Variants in TRIM26 observed in about 807,000 individuals in gnomAD.
The protein encoded by TRIM26 is tripartite motif containing 26, also known as tripartite motif-containing protein 26.
In TRIM26, 16 loss-of-function variants were observed where a neutral mutation model predicts 45.5. The observed-to-expected ratio is 0.35, with a 90% CI of 0.24 to 0.53. The LOEUF (loss-of-function observed/expected upper bound fraction) is 0.53. Ranked by LOEUF, TRIM26 falls within the 20% of genes least tolerant of loss-of-function variation. TRIM26 has a pLI of 0.92. For synonymous variants in TRIM26, 273 were observed against 290.4 expected (o/e 0.94, Z 0.61); for missense variants, 442 against 691.1 (o/e 0.64, Z 4.04).
At position 30,185,503 on chromosome 6, in the gene TRIM26, G is replaced by T; in HGVS notation, c.*373C>A. On this transcript the variant is annotated 3_prime_UTR_variant, in exon 10 of 10. Transcript: ENST00000454678. This position sits in a 1 kb window ranked among gnomAD's most constrained non-coding sequence, Gnocchi z 5.7. ...TAAGGACAGCAAAATGATCTTAGGC[G>T]TAATTGACTGGTTTTTCTGAGGTCT... is the stretch of plus-strand genomic sequence containing the variant. 3.6e-6 allele frequency: 1 copy of T among 277,306 alleles called. No homozygotes were observed. Among genetic ancestry groups the T allele is most frequent in the Non-Finnish European group, 6.7e-6 (1 of 148,968 alleles). The allele number at this position is 277,306 out of a possible 1,614,324, so 17.2% of individuals were successfully genotyped here. A position where few individuals can be genotyped will look rare whatever the true frequency, so the allele number is the denominator to read the frequency against.
At chr6:30,204,352 AG>A (rs2127526252) in intron 2 of TRIM26, among the ~76,000 whole-genome samples, 1 of 152,322 alleles carries the variant, frequency 6.6e-6, no homozygotes, top group African/African-American at 2.4e-5. Context: ...TCTACATGGA[AG>A]GGCTTTGTAA....
chr6:30,203,945 G>A (rs978469926), intron 2 of TRIM26, among the ~76,000 whole-genome samples: 1 of 152,154 alleles, frequency 6.6e-6, no homozygotes, highest in African/African-American at 2.4e-5. Context: ...GAGGTCTGTA[G>A]TAACCATCAA....
At position 30,186,809 on chromosome 6, in the gene TRIM26, T is replaced by C; in HGVS notation, c.938-251A>G. ...GAAATTTAACTTGACTGTTTTCGCTTACGCTCTGATTCCAAACAAAACTTT... is the reference window on the plus strand; with the variant it reads ...GAAATTTAACTTGACTGTTTTCGCTCACGCTCTGATTCCAAACAAAACTTT... On this transcript the variant is annotated intron_variant, in intron 9 of 9. Transcript: ENST00000454678. The surrounding 1 kb of genome is among the most constrained non-coding windows in gnomAD (Gnocchi z 7.4). 1 of 1,096,290 alleles carries C rather than the reference T, an allele frequency of 9.1e-7. No individual in the cohort carries two copies. Among genetic ancestry groups the C allele is most frequent in the Non-Finnish European group, 1.4e-6 (1 of 727,454 alleles). 67.9% of individuals were successfully genotyped at this position (1,096,290 alleles called of 1,614,324 possible).
Position 30,189,426 on chromosome 6 carries a change from T to A in TRIM26, c.896A>T (p.Glu299Val). 2 of 1,612,964 alleles carry A rather than the reference T, an allele frequency of 1.2e-6. No homozygotes were observed. Among genetic ancestry groups the A allele is most frequent in the Non-Finnish European group, 1.7e-6 (2 of 1,179,980 alleles). ...CGCTCCCCAACCCTTACCCTGGAAT[T>A]CCCTCAGGCCTCGTTGCAGAGAGAG... ...KLLSLQRGLR[E>V]FQGKLLRDLE... The change falls in exon 8 of 10, where the codon GAA (glutamate) becomes GTA (valine). Residue 299 changes from glutamate (E) to valine (V), a missense_variant. Transcript: ENST00000454678. The surrounding 1 kb of genome is among the most constrained non-coding windows in gnomAD (Gnocchi z 5.0).
At position 30,211,008 on chromosome 6, in the gene TRIM26, C is replaced by T. The variant is rs140335017; in HGVS notation, c.-376+2297G>A. ...TATTTTTATCTGTCTTCTCTCCCAC[C>T]AGAATGTGAACCCAAAGGTCATGCC... On this transcript the variant is annotated intron_variant, in intron 1 of 9. Coordinates refer to ENST00000454678, the MANE Select transcript of TRIM26 (RefSeq NM_003449.5). 4.3e-3 allele frequency among the ~76,000 whole-genome samples: 658 copies of T among 152,280 alleles called. 2 individuals are homozygous for T. The highest frequency in any genetic ancestry group is 0.011 in the African/African-American group (459 of 41,542).
Position 30,190,877 on chromosome 6 carries a change from C to T in TRIM26, c.766-842G>A, listed in dbSNP as rs1775758874. On this transcript the variant is annotated intron_variant, in intron 6 of 9. Coordinates refer to ENST00000454678, the MANE Select transcript of TRIM26 (RefSeq NM_003449.5). The surrounding 1 kb of genome is among the most constrained non-coding windows in gnomAD (Gnocchi z 4.3). ...TACTGTGATAGCTCTAGACCCTGCACCTCTGAACTGTTAACTGAGGCAGAA... is the reference window on the plus strand; with the variant it reads ...TACTGTGATAGCTCTAGACCCTGCATCTCTGAACTGTTAACTGAGGCAGAA... Among the ~76,000 whole-genome samples, 1 of 152,096 alleles carries T rather than the reference C, an allele frequency of 6.6e-6. No homozygotes were observed.
intron 9 of TRIM26, chr6:30,188,719 T>A (rs2074472): frequency 0.31 from 55,730 of 178,870 alleles, 8,873 homozygotes; most frequent in Admixed American, 0.35. Context: ...TTGGTCTATG[T>A]GGATGGCGCT....
At chr6:30,212,915 CAAAAA>C (rs3059548) in intron 1 of TRIM26, among the ~76,000 whole-genome samples, 5 of 130,278 alleles carry the variant, frequency 3.8e-5, no homozygotes, top group Non-Finnish European at 4.9e-5. Context: ...TTACTCCGAA[CAAAAA>C]AAAAAAAAAA....
Position 30,186,347 on chromosome 6 carries a change from T to C in TRIM26, c.1149A>G (p.Glu383=). Residue 383 remains glutamate, a synonymous_variant, in exon 10 of 10, where the codon GAA becomes GAG. Transcript: ENST00000454678. The surrounding 1 kb of genome is among the most constrained non-coding windows in gnomAD (Gnocchi z 7.4). ...CCTCTTCCTCCTCATCCCCCTCTTC[T>C]TCATCCTCAGACCAGCCCTCCCTCT... is the stretch of plus-strand genomic sequence containing the variant. The part of the protein sequence containing the change: ...EVEREGWSED[E]EEGDEEEEGE... 1 of 1,612,638 alleles carries C rather than the reference T, an allele frequency of 6.2e-7. No homozygotes were observed. Among genetic ancestry groups the C allele is most frequent in the South Asian group, 1.1e-5 (1 of 91,038 alleles).
In TRIM26 at chr6:30,189,044, C is replaced by T; in HGVS notation, c.937+123G>A. 9.3e-7 allele frequency: 1 copy of T among 1,078,396 alleles called. No individual in the cohort carries two copies. Among genetic ancestry groups the T allele is most frequent in the Non-Finnish European group, 1.4e-6 (1 of 735,974 alleles). The allele number at this position is 1,078,396 out of a possible 1,614,324, so 66.8% of individuals were successfully genotyped here. A position where few individuals can be genotyped will look rare whatever the true frequency, so the allele number is the denominator to read the frequency against. On this transcript the variant is annotated intron_variant, in intron 9 of 9. Transcript: ENST00000454678. The surrounding 1 kb of genome is among the most constrained non-coding windows in gnomAD (Gnocchi z 5.0). ...AAGAGGGAGGGGGGCTTCTATTGTG[C>T]AGCTGGGAAATTCTTCCTGTTGCAA... is the stretch of plus-strand genomic sequence containing the variant.
chr6:30,185,662 G>A lies in TRIM26; in HGVS notation c.*214C>T. ...CAGAAGTTCCCTCGGGAAACCAGCA[G>A]GAGGTGGGAAAAGAGCCCCATTAGG... On this transcript the variant is annotated 3_prime_UTR_variant, in exon 10 of 10. Coordinates refer to ENST00000454678, the MANE Select transcript of TRIM26 (RefSeq NM_003449.5). This position sits in a 1 kb window ranked among gnomAD's most constrained non-coding sequence, Gnocchi z 5.7. 1 of 594,580 alleles carries A rather than the reference G, an allele frequency of 1.7e-6. No individual in the cohort carries two copies. The highest frequency in any genetic ancestry group is 2.9e-6 in the Non-Finnish European group (1 of 344,978). 36.8% of individuals were successfully genotyped at this position (594,580 alleles called of 1,614,324 possible). A position where few individuals can be genotyped will look rare whatever the true frequency, so the allele number is the denominator to read the frequency against.
chr6:30,200,446 T>G (rs1487065117), intron 3 of TRIM26, among the ~76,000 whole-genome samples: 1 of 152,246 alleles, frequency 6.6e-6, no homozygotes, highest in African/African-American at 2.4e-5. Context: ...TTTAATTTGC[T>G]TCCCCTAGAA....
chr6:30,185,996 C>T lies in TRIM26; in HGVS notation c.1500G>A (p.Val500=). ...CCTGTGACTCTGCGTTGGTGAAAGT[C>T]ACGGTGCCCCCTTCATAATCCAGGG... is the stretch of plus-strand genomic sequence containing the variant. ...GIALDYEGGT[V]TFTNAESQEL... is the part of the protein sequence containing the mutation. Residue 500 remains valine (V), a synonymous_variant, in exon 10 of 10, where the codon GTG becomes GTA. Coordinates refer to ENST00000454678, the MANE Select transcript of TRIM26 (RefSeq NM_003449.5). The surrounding 1 kb of genome is among the most constrained non-coding windows in gnomAD (Gnocchi z 5.7). The T allele has an allele frequency of 1.2e-6, 2 of 1,612,230 alleles. No homozygotes were observed. The highest frequency in any genetic ancestry group is 1.7e-6 in the Non-Finnish European group (2 of 1,179,686).
At chr6:30,206,030 A>C (rs1267378255) in intron 1 of TRIM26, among the ~76,000 whole-genome samples, 3 of 152,204 alleles carry the variant, frequency 2.0e-5, no homozygotes, top group Non-Finnish European at 4.4e-5. Flanking sequence ...AGAGCAAAGC[A>C]CCTGTAATCC....
Position 30,213,344 on chromosome 6 carries a change from C to G in TRIM26, c.-415G>C, listed in dbSNP as rs372549752. ...GGGCCGCGAATCCCGGCCGGCACCC[C>G]TCCTCTCTCACGGCGGTCTGTTCCG... On this transcript the variant is annotated 5_prime_UTR_variant, in exon 1 of 10. Coordinates refer to ENST00000454678, the MANE Select transcript of TRIM26 (RefSeq NM_003449.5). 4.0e-4 allele frequency: 61 copies of G among 152,568 alleles called. 1 individual carries two copies. Among genetic ancestry groups the G allele is most frequent in the African/African-American group, 1.4e-3 (60 of 41,614 alleles). 9.5% of individuals were successfully genotyped at this position (152,568 alleles called of 1,614,324 possible). A position where few individuals can be genotyped will look rare whatever the true frequency, so the allele number is the denominator to read the frequency against.
At position 30,189,086 on chromosome 6, in the gene TRIM26, G is replaced by C; in HGVS notation, c.937+81C>G. The C allele has an allele frequency of 6.7e-7, 1 of 1,496,532 alleles. No individual in the cohort carries two copies. The highest frequency in any genetic ancestry group is 9.1e-7 in the Non-Finnish European group (1 of 1,102,480). 92.7% of individuals were successfully genotyped at this position (1,496,532 alleles called of 1,614,324 possible). A position where few individuals can be genotyped will look rare whatever the true frequency, so the allele number is the denominator to read the frequency against. On this transcript the variant is annotated intron_variant, in intron 9 of 9. Transcript: ENST00000454678. The surrounding 1 kb of genome is among the most constrained non-coding windows in gnomAD (Gnocchi z 5.0). ...CTGTTGCAAAAGGGGCTACCTGGGGGAAAAGTGAGCAGTCAGAATCTCTGC... is the reference window on the plus strand; with the variant it reads ...CTGTTGCAAAAGGGGCTACCTGGGGCAAAAGTGAGCAGTCAGAATCTCTGC...
chr6:30,209,575 C>G lies in TRIM26; in HGVS notation c.-376+3730G>C, dbSNP rs1778073569. On this transcript the variant is annotated intron_variant, in intron 1 of 9. Transcript: ENST00000454678. This position sits in a 1 kb window ranked among gnomAD's most constrained non-coding sequence, Gnocchi z 4.8. ...TTACCCAGTCTGTGGTATTCTGTTACAGCAACAGAAAATGGATTAAGACAA... is the reference window on the plus strand; with the variant it reads ...TTACCCAGTCTGTGGTATTCTGTTAGAGCAACAGAAAATGGATTAAGACAA... 6.6e-6 allele frequency among the ~76,000 whole-genome samples: 1 copy of G among 152,184 alleles called. No homozygotes were observed. The highest frequency in any genetic ancestry group is 6.5e-5 in the Admixed American group (1 of 15,278).
At position 30,207,134 on chromosome 6, in the gene TRIM26, C is replaced by T. The variant is rs1562234287; in HGVS notation, c.-375-2369G>A. Among the ~76,000 whole-genome samples the T allele has an allele frequency of 1.3e-5, 2 of 152,090 alleles. No homozygotes were observed. Among genetic ancestry groups the T allele is most frequent in the Admixed American group, 6.6e-5 (1 of 15,264 alleles). On this transcript the variant is annotated intron_variant, in intron 1 of 9. Coordinates refer to ENST00000454678, the MANE Select transcript of TRIM26 (RefSeq NM_003449.5). The surrounding 1 kb of genome is among the most constrained non-coding windows in gnomAD (Gnocchi z 4.9). ...TGGCCACAGGTGGAGTGCAGTGAGG[C>T]GAGCAGAGGAAGGGTGGAGAAACAG...
At chr6:30,201,803 G>A (rs1019133583) in intron 2 of TRIM26, among the ~76,000 whole-genome samples, 4 of 151,604 alleles carry the variant, frequency 2.6e-5, no homozygotes, top group African/African-American at 7.3e-5. Flanking sequence ...AGCCGAGATC[G>A]TGCCATTGCA....
Sources: allele counts gnomAD v4.1 joint callset (sites outside exome capture counted in the v4.1 genomes callset), GRCh38; gene constraint gnomAD v4.1.1; non-coding constraint Gnocchi (gnomAD v3.1); transcripts MANE v1.5; gene names NCBI Gene and HGNC (gene_info 2026-07-23, HGNC 2026-07-21).